TENM3: variants seen among roughly 807,000 people sequenced by gnomAD.
The protein encoded by TENM3 is teneurin transmembrane protein 3, also known as teneurin-3.
TENM3 carries 63 observed loss-of-function variants against 255.1 expected under a neutral mutation model. That is an observed-to-expected ratio of 0.25 (90% CI 0.20 to 0.30). The LOEUF (loss-of-function observed/expected upper bound fraction) is 0.30, where lower values mean the gene tolerates loss of function less well. TENM3 is among the 10% of genes least tolerant of loss of function. TENM3 has a pLI of 1.00. For synonymous variants in TENM3, 1,306 were observed against 1,322.3 expected, an observed-to-expected ratio of 0.99 and a Z score of 0.27; for missense variants, 2,929 against 3,461.1, an observed-to-expected ratio of 0.85 and a Z score of 3.86.
At chr4:182,721,873 CTTAT>C (rs1759763446) in intron 13 of TENM3, among the ~76,000 whole-genome samples, 1 of 151,844 alleles carries the variant, frequency 6.6e-6, no homozygotes, top group African/African-American at 2.4e-5. Flanking sequence ...TTGCTAATTG[CTTAT>C]TTATTTCCCT....
chr4:182,705,933 A>G (rs565135654), intron 12 of TENM3, among the ~76,000 whole-genome samples: 4 of 152,206 alleles, frequency 2.6e-5, no homozygotes, highest in African/African-American at 4.8e-5. Flanking sequence ...AGAACAGATG[A>G]CAGCATTAAA....
rs1763887877 is a variant in TENM3, at chr4:182,768,256, GC to G, written c.4893-5214del. Among the ~76,000 whole-genome samples, 5 of 152,284 alleles carry G rather than the reference GC, an allele frequency of 3.3e-5. No individual in the cohort carries two copies. In the South Asian group the frequency reaches 1.0e-3, roughly 32 times the overall value. ...AAAAACATAACCTTTGGTTAAAGAA[GC>G]CATTTTATGGGGAAGCACCAAAGAC... On this transcript the variant is annotated intron_variant, in intron 22 of 27. Coordinates refer to ENST00000511685, the MANE Select transcript of TENM3 (RefSeq NM_001080477.4).
At chr4:181,783,090 A>T in the TENM3 span, among the ~76,000 whole-genome samples, 1 of 152,144 alleles carries the variant, frequency 6.6e-6, no homozygotes, top group Non-Finnish European at 1.5e-5. Context: ...AGAAGAATGT[A>T]TATTCTGTTG....
the TENM3 span, among the ~76,000 whole-genome samples, chr4:181,931,250 G>C: frequency 6.6e-6 from 1 of 152,148 alleles, no homozygotes; most frequent in Non-Finnish European, 1.5e-5. Flanking sequence ...TGACATAATT[G>C]TATATTTGGA....
the TENM3 span, among the ~76,000 whole-genome samples, chr4:181,795,532 A>C: frequency 6.6e-6 from 1 of 152,198 alleles, no homozygotes; most frequent in East Asian, 1.9e-4. Flanking sequence ...ACTTTGGCCT[A>C]AATGAAGACT....
chr4:182,569,350 T>G (rs1054368751), intron 3 of TENM3, among the ~76,000 whole-genome samples: 35 of 150,820 alleles, frequency 2.3e-4, no homozygotes, highest in African/African-American at 8.0e-4. Flanking sequence ...AGGTGAGGAG[T>G]TCGACACCAG....
chr4:182,527,719 T>G (rs544599930), intron 3 of TENM3, among the ~76,000 whole-genome samples: 3 of 145,538 alleles, frequency 2.1e-5, no homozygotes, highest in Non-Finnish European at 4.6e-5. Context: ...TTTTTTTGGT[T>G]GTTGTTGTTT....
the TENM3 span, among the ~76,000 whole-genome samples, chr4:181,767,208 T>TCCC: frequency 7.5e-6 from 1 of 133,448 alleles, no homozygotes; most frequent in Non-Finnish European, 1.5e-5. Flanking sequence ...GCCGAGAAGG[T>TCCC]GCCACTGCGC....
intron 1 of TENM3, among the ~76,000 whole-genome samples, chr4:182,310,841 G>A (rs1762399287): frequency 6.6e-6 from 1 of 152,194 alleles, no homozygotes; most frequent in Non-Finnish European, 1.5e-5. Context: ...CGAGTAGCTG[G>A]GACTACAGGC....
the TENM3 span, among the ~76,000 whole-genome samples, chr4:182,064,538 G>A: frequency 7.2e-4 from 109 of 151,974 alleles, 1 homozygote; most frequent in African/African-American, 2.4e-3. Flanking sequence ...AGCCGAGATC[G>A]CACCACTGCT....
chr4:182,338,865 G>A (rs1042830123), intron 2 of TENM3, among the ~76,000 whole-genome samples: 1 of 152,084 alleles, frequency 6.6e-6, no homozygotes, highest in African/African-American at 2.4e-5. Context: ...GAGCCAAGAG[G>A]AAAATGCTTT....
At chr4:181,493,223 G>A in the TENM3 span, among the ~76,000 whole-genome samples, 2 of 150,212 alleles carry the variant, frequency 1.3e-5, no homozygotes, top group Non-Finnish European at 3.0e-5. Flanking sequence ...TTGAACCCAG[G>A]AGTTCAAAGT....
intron 5 of TENM3, among the ~76,000 whole-genome samples, chr4:182,635,743 C>T (rs1751790110): frequency 6.6e-6 from 1 of 152,200 alleles, no homozygotes; most frequent in Admixed American, 6.5e-5. Context: ...TAAGCATTCC[C>T]TAGATCTGGC....
chr4:182,367,070 T>A (rs1248251759), intron 3 of TENM3, among the ~76,000 whole-genome samples: 1 of 152,106 alleles, frequency 6.6e-6, no homozygotes, highest in East Asian at 1.9e-4. Context: ...TGAAATACAT[T>A]GCTAAACTGC....
At chr4:181,992,067 T>A in the TENM3 span, among the ~76,000 whole-genome samples, 1 of 152,186 alleles carries the variant, frequency 6.6e-6, no homozygotes, top group South Asian at 2.1e-4. Flanking sequence ...TGTTCATCAC[T>A]TTAATTACAG....
At chr4:182,112,244 GC>G in the TENM3 span, among the ~76,000 whole-genome samples, 5 of 151,846 alleles carry the variant, frequency 3.3e-5, no homozygotes, top group Admixed American at 1.3e-4. Context: ...AGTATAGCGC[GC>G]CCTCCCCAAC....
chr4:181,805,676 C>G, the TENM3 span, among the ~76,000 whole-genome samples: 1 of 151,906 alleles, frequency 6.6e-6, no homozygotes, highest in Admixed American at 6.6e-5. Context: ...AGGATAAATA[C>G]CTCAGTGCAC....
chr4:182,334,905 A>C (rs1305628102), intron 2 of TENM3, among the ~76,000 whole-genome samples: 1 of 152,216 alleles, frequency 6.6e-6, no homozygotes. Context: ...TTCAGCTTAA[A>C]AACTGAAGAG....
At chr4:182,515,001 A>G (rs1350018477) in intron 3 of TENM3, among the ~76,000 whole-genome samples, 2 of 152,220 alleles carry the variant, frequency 1.3e-5, no homozygotes. Context: ...AAAGGAGAAC[A>G]TTTCAAAGAG....
Sources: allele counts gnomAD v4.1 joint callset (sites outside exome capture counted in the v4.1 genomes callset), GRCh38; gene constraint gnomAD v4.1.1; transcripts MANE v1.5; gene names NCBI Gene and HGNC (gene_info 2026-07-23, HGNC 2026-07-21).